GRIK1: variants seen among roughly 807,000 people sequenced by gnomAD.
GRIK1 encodes the protein glutamate ionotropic receptor kainate type subunit 1, also known as glutamate receptor ionotropic, kainate 1.
A neutral mutation model predicts 105.7 loss-of-function variants in GRIK1; 69 were observed. The ratio of observed to expected loss-of-function variants is 0.65; its 90% CI spans 0.54 to 0.80. GRIK1 has a LOEUF of 0.80. GRIK1 is among the 30% of genes least tolerant of loss of function. The pLI is 0.00. For synonymous variants in GRIK1, 438 were observed against 431.3 expected (o/e 1.02, Z -0.19); for missense variants, 1,109 against 1,167.3 (o/e 0.95, Z 0.73).
At chr21:29,930,336 A>G (rs972671876) in intron 1 of GRIK1, among the ~76,000 whole-genome samples, 1 of 152,212 alleles carries the variant, frequency 6.6e-6, no homozygotes, top group Non-Finnish European at 1.5e-5. Context: ...GGATTACTAA[A>G]GTATGTAATC....
intron 7 of GRIK1, among the ~76,000 whole-genome samples, chr21:29,604,972 T>G (rs1336986834): frequency 1.3e-5 from 2 of 152,226 alleles, no homozygotes. Context: ...CACCTAACTC[T>G]GGGCTCTTAT....
At chr21:29,707,450 C>CCTTCCTTCCTTCCTTCCTTCCTT in intron 1 of GRIK1, among the ~76,000 whole-genome samples, 1 of 71,578 alleles carries the variant, frequency 1.4e-5, no homozygotes, top group Admixed American at 1.7e-4. Flanking sequence ...CTCCCTCCCT[C>CCTTCCTTCCTTCCTTCCTTCCTT]CCTCCCTCCC....
At chr21:29,873,668 A>G (rs2069095699) in intron 1 of GRIK1, among the ~76,000 whole-genome samples, 1 of 152,216 alleles carries the variant, frequency 6.6e-6, no homozygotes, top group Non-Finnish European at 1.5e-5. Flanking sequence ...GTTTCTCAGG[A>G]TATACACTGG....
chr21:29,738,716 CATCT>C (rs939164296), intron 1 of GRIK1, among the ~76,000 whole-genome samples: 2 of 152,076 alleles, frequency 1.3e-5, no homozygotes, highest in South Asian at 2.1e-4. Flanking sequence ...ATTTTTAATG[CATCT>C]ATCTATCTTG....
chr21:29,705,120 TTTC>T (rs1389060077), intron 1 of GRIK1, among the ~76,000 whole-genome samples: 3 of 152,242 alleles, frequency 2.0e-5, no homozygotes, highest in African/African-American at 4.8e-5. Flanking sequence ...ATTTTCTAGT[TTTC>T]TTCTTCTGTA....
At chr21:29,795,859 C>T in intron 1 of GRIK1, among the ~76,000 whole-genome samples, 1 of 152,166 alleles carries the variant, frequency 6.6e-6, no homozygotes, top group East Asian at 1.9e-4. Context: ...TCAACTTTTT[C>T]TTTTTTTCTG....
chr21:29,897,661 G>C (rs1020757837), intron 1 of GRIK1, among the ~76,000 whole-genome samples: 2 of 152,168 alleles, frequency 1.3e-5, no homozygotes, highest in Non-Finnish European at 2.9e-5. Context: ...CCAGGACTTG[G>C]AGTGAATTAA....
At chr21:29,601,080 G>A (rs2061509285) in intron 7 of GRIK1, 3 of 286,808 alleles carry the variant, frequency 1.0e-5, no homozygotes, top group Admixed American at 9.3e-5. Context: ...GTCTGTGAGG[G>A]TGTTTCCAAA....
chr21:29,699,656 T>C lies in GRIK1; in HGVS notation c.119-5593A>G, dbSNP rs188569032. ...GACTAGTACATTTATCAGCATCTTT[T>C]TTTTTTTTTTGAGATGGAGTCTCGC... On this transcript the variant is annotated intron_variant, in intron 1 of 17. Transcript: ENST00000327783. Among the ~76,000 whole-genome samples, 1,280 of 152,084 alleles carry C rather than the reference T, an allele frequency of 8.4e-3. 31 individuals carry two copies. Among genetic ancestry groups the C allele is most frequent in the African/African-American group, 0.029 (1,214 of 41,504 alleles).
chr21:29,713,647 G>T (rs2064109579), intron 1 of GRIK1, among the ~76,000 whole-genome samples: 1 of 152,106 alleles, frequency 6.6e-6, no homozygotes, highest in South Asian at 2.1e-4. Context: ...TCTTGATTGG[G>T]GGTTAAGATA....
At chr21:29,716,919 G>A (rs1039396529) in intron 1 of GRIK1, among the ~76,000 whole-genome samples, 10 of 152,326 alleles carry the variant, frequency 6.6e-5, no homozygotes, top group Middle Eastern at 6.8e-3. Context: ...AGGCCTGGAG[G>A]CCTAGGAGGG....
intron 7 of GRIK1, among the ~76,000 whole-genome samples, chr21:29,613,392 GTACTT>G (rs1568886215): frequency 6.6e-6 from 1 of 152,068 alleles, no homozygotes; most frequent in South Asian, 2.1e-4. Flanking sequence ...TTTTAAATAA[GTACTT>G]TAGTTAGCTT....
At chr21:29,553,530 ATCT>A (rs2090172502) in intron 16 of GRIK1, 3 of 1,482,678 alleles carry the variant, frequency 2.0e-6, no homozygotes, top group African/African-American at 1.5e-5. Context: ...TACTGGGCAC[ATCT>A]TTTTTTTTTT....
intron 7 of GRIK1, among the ~76,000 whole-genome samples, chr21:29,624,678 G>C (rs1047954445): frequency 2.0e-5 from 3 of 152,220 alleles, no homozygotes; most frequent in Admixed American, 6.5e-5. Flanking sequence ...GCTGCACATA[G>C]AGGAAGTCAG....
At chr21:29,751,950 G>C (rs2065214736) in intron 1 of GRIK1, among the ~76,000 whole-genome samples, 1 of 152,192 alleles carries the variant, frequency 6.6e-6, no homozygotes, top group South Asian at 2.1e-4. Context: ...GCATGGCAGT[G>C]GGTGTCACCA....
At chr21:29,689,397 A>G (rs949269787) in intron 3 of GRIK1, among the ~76,000 whole-genome samples, 8 of 152,160 alleles carry the variant, frequency 5.3e-5, no homozygotes, top group African/African-American at 1.7e-4. Context: ...GTCATTTTCA[A>G]TTGTGGTCAT....
intron 1 of GRIK1, among the ~76,000 whole-genome samples, chr21:29,882,610 A>G (rs1433885913): frequency 6.6e-6 from 1 of 152,142 alleles, no homozygotes; most frequent in African/African-American, 2.4e-5. Context: ...TTGGAATATC[A>G]TGCGCAAAGA....
intron 14 of GRIK1, 75 bp downstream of exon 14, chr21:29,576,889 T>G (rs936352364): frequency 4.0e-5 from 33 of 831,902 alleles, no homozygotes; most frequent in Non-Finnish European, 5.5e-5. Flanking sequence ...CTTTTTCTTT[T>G]TTTTTTCGAC....
At chr21:29,714,074 T>G (rs888836384) in intron 1 of GRIK1, among the ~76,000 whole-genome samples, 6 of 152,324 alleles carry the variant, frequency 3.9e-5, no homozygotes, top group East Asian at 3.9e-4. Context: ...CTCAGAGATT[T>G]TCCTAGAATA....
Sources: allele counts gnomAD v4.1 joint callset (sites outside exome capture counted in the v4.1 genomes callset), GRCh38; gene constraint gnomAD v4.1.1; transcripts MANE v1.5; gene names NCBI Gene and HGNC (gene_info 2026-07-23, HGNC 2026-07-21).